The following PCDHA5 variants were observed in gnomAD, a reference collection of about 807,000 sequenced individuals.
PCDHA5 encodes the protein protocadherin alpha 5, also known as protocadherin alpha-5.
In PCDHA5, 43 loss-of-function variants were observed where a neutral mutation model predicts 61.6. The observed-to-expected ratio is 0.70, with a 90% confidence interval of 0.55 to 0.90. PCDHA5 has a LOEUF of 0.90. PCDHA5 is among the 40% of genes least tolerant of loss of function. The probability of loss-of-function intolerance (pLI) is 0.00; values close to 1 mark genes in which losing one functional copy is unlikely to be tolerated. For synonymous variants in PCDHA5, 627 were observed against 543.9 expected, an observed-to-expected ratio of 1.15 and a Z score of -2.13; for missense variants, 1,298 against 1,222.7, an observed-to-expected ratio of 1.06 and a Z score of -0.92.
At position 140,841,226 on chromosome 5, in the gene PCDHA5, G is replaced by A. The variant is rs2150312161; in HGVS notation, c.2352+17099G>A. 1.1e-5 allele frequency: 16 copies of A among 1,452,002 alleles called. 1 individual carries two copies. Among genetic ancestry groups the A allele is most frequent in the Non-Finnish European group, 1.5e-5 (16 of 1,077,992 alleles). The allele number at this position is 1,452,002 out of a possible 1,614,324, so 89.9% of individuals were successfully genotyped here. On this transcript the variant is annotated intron_variant, in intron 1 of 3. Transcript: ENST00000529859. The stretch of plus-strand genomic sequence containing the variant: ...CATCTGTCTCTAAAGGCCGAACAAC[G>A]GGAGATGCAGCGGAATTGGATTAAA...
intron 1 of PCDHA5, among the ~76,000 whole-genome samples, chr5:140,951,140 C>G (rs1322025119): frequency 9.9e-6 from 1 of 100,842 alleles, no homozygotes; most frequent in Non-Finnish European, 2.0e-5. Context: ...TTTCCTTTAT[C>G]TTATTGAATA....
At chr5:140,850,475 G>A (rs372827076) in intron 1 of PCDHA5, 1 of 1,598,006 alleles carries the variant, frequency 6.3e-7, no homozygotes, top group Middle Eastern at 1.7e-4. Flanking sequence ...CAGCGCTGAC[G>A]GCCACGGCCA....
chr5:140,930,453 C>G (rs1195640207), intron 1 of PCDHA5: 6 of 152,300 alleles, frequency 3.9e-5, no homozygotes, highest in African/African-American at 1.5e-4. Flanking sequence ...AAACTCCTAG[C>G]CTCAAGTGAT....
intron 1 of PCDHA5, chr5:140,870,532 T>A: frequency 1.2e-6 from 2 of 1,614,184 alleles, no homozygotes; most frequent in Non-Finnish European, 1.7e-6. Flanking sequence ...CTTCACAGTG[T>A]CGGCGCGGGA....
chr5:140,991,066 C>T (rs2097429810), intron 3 of PCDHA5, among the ~76,000 whole-genome samples: 2 of 152,122 alleles, frequency 1.3e-5, no homozygotes, highest in Non-Finnish European at 2.9e-5. Context: ...TTATTATTCC[C>T]ATGTTTCAGA....
At chr5:140,965,254 T>C (rs2153743153) in intron 1 of PCDHA5, among the ~76,000 whole-genome samples, 1 of 152,302 alleles carries the variant, frequency 6.6e-6, no homozygotes, top group African/African-American at 2.4e-5. Context: ...TATTCAGAAC[T>C]GAGCAGCAGA....
rs150698374 is a variant in PCDHA5 at position 140,841,827 on chromosome 5, C to A, written c.2352+17700C>A. The A allele has an allele frequency of 1.2e-3, 1,964 of 1,613,914 alleles. 22 individuals are homozygous for A. Among genetic ancestry groups the A allele is most frequent in the Non-Finnish European group, 7.1e-4 (841 of 1,179,854 alleles). ...GATGTTGGAGCTAACTCCGTGTTAA[C>A]CTACAGGCTTAGCTCTCATGATTAC... On this transcript the variant is annotated intron_variant, in intron 1 of 3. Transcript: ENST00000529859.
rs139246881 is a variant in PCDHA5, at chr5:140,834,444, C to A, written c.2352+10317C>A. 16 of 1,613,902 alleles carry A rather than the reference C, an allele frequency of 9.9e-6. No individual in the cohort carries two copies. The African/African-American group carries it at 2.1e-4, about 22-fold the overall frequency. On this transcript the variant is annotated intron_variant, in intron 1 of 3. Coordinates refer to ENST00000529859, the MANE Select transcript of PCDHA5 (RefSeq NM_018908.3). ...ACATCTACTGCTGTTTATTATAATT[C>A]TAGCAGCTTGGGAGGCAGGGAGAGG... is the stretch of plus-strand genomic sequence containing the variant.
intron 2 of PCDHA5, chr5:140,982,229 A>C (rs2096972091): frequency 3.2e-6 from 2 of 616,470 alleles, no homozygotes. Context: ...TTAATAAAAA[A>C]CAGAATTGCC....
At chr5:140,846,541 A>AT (rs1226302144) in intron 1 of PCDHA5, among the ~76,000 whole-genome samples, 1 of 147,480 alleles carries the variant, frequency 6.8e-6, no homozygotes, top group Non-Finnish European at 1.5e-5. Flanking sequence ...TGCCCTGCTA[A>AT]TTTTTTGTAT....
intron 1 of PCDHA5, chr5:140,827,972 T>C: frequency 7.9e-6 from 11 of 1,394,734 alleles, no homozygotes; most frequent in Non-Finnish European, 9.7e-6. Flanking sequence ...TACTGCATCA[T>C]TCCCTGACTG....
Position 140,871,165 on chromosome 5 carries a change from C to A in PCDHA5, c.2352+47038C>A, listed in dbSNP as rs1044550712. 1.4e-5 allele frequency: 22 copies of A among 1,613,372 alleles called. No individual in the cohort carries two copies. Among genetic ancestry groups the A allele is most frequent in the Non-Finnish European group, 1.7e-5 (20 of 1,179,938 alleles). On this transcript the variant is annotated intron_variant, in intron 1 of 3. Transcript: ENST00000529859. ...CCGGACTTTGGCGGGCGCCGCGAGCCCAGAGGCTGCGCTGGTGGATGTCAA... is the reference window on the plus strand; with the variant it reads ...CCGGACTTTGGCGGGCGCCGCGAGCACAGAGGCTGCGCTGGTGGATGTCAA...
intron 1 of PCDHA5, chr5:140,969,147 A>C (rs781909774): frequency 1.2e-6 from 2 of 1,614,172 alleles, no homozygotes; most frequent in South Asian, 2.2e-5. Flanking sequence ...TACTGCTACA[A>C]GGCCTGTCTG....
chr5:140,854,873 T>C (rs575703507), intron 1 of PCDHA5, among the ~76,000 whole-genome samples: 7 of 150,078 alleles, frequency 4.7e-5, no homozygotes, highest in African/African-American at 1.7e-4. Flanking sequence ...TTCAGAACTG[T>C]GTCTTTTGGG....
At chr5:140,901,716 G>A (rs555901106) in intron 1 of PCDHA5, among the ~76,000 whole-genome samples, 1 of 152,176 alleles carries the variant, frequency 6.6e-6, no homozygotes, top group South Asian at 2.1e-4. Flanking sequence ...TTTTCAGATT[G>A]TCTTTTCTAT....
intron 1 of PCDHA5, chr5:140,829,474 A>C: frequency 6.2e-7 from 1 of 1,613,826 alleles, no homozygotes; most frequent in Non-Finnish European, 8.5e-7. Context: ...CCGAGTACAC[A>C]GTGTTCGTGA....
At chr5:141,009,271 A>G (rs1420991909) in intron 3 of PCDHA5, among the ~76,000 whole-genome samples, 15 of 152,156 alleles carry the variant, frequency 9.9e-5, no homozygotes, top group Admixed American at 6.5e-4. Context: ...CCTGGGCAAC[A>G]TAGTGAGATC....
intron 1 of PCDHA5, among the ~76,000 whole-genome samples, chr5:140,846,899 G>C (rs1467699891): frequency 6.7e-6 from 1 of 149,660 alleles, no homozygotes; most frequent in Admixed American, 6.7e-5. Context: ...CGTTGAAGTT[G>C]AAAGACAATC....
chr5:140,836,112 G>C, intron 1 of PCDHA5: 1 of 1,613,758 alleles, frequency 6.2e-7, no homozygotes. Flanking sequence ...TGGTGGCGCA[G>C]TGAGAGAGCT....
Sources: gnomAD v4.1 joint callset for allele counts (sites outside exome capture counted in the v4.1 genomes callset) on GRCh38, gnomAD v4.1.1 for gene constraint, MANE v1.5 for transcripts, NCBI Gene and HGNC (gene_info 2026-07-23, HGNC 2026-07-21) for gene names.